Variants in THEMIS observed in about 807,000 individuals in gnomAD.
THEMIS encodes thymocyte selection associated, also known as protein THEMIS.
Under a neutral mutation model 52.6 loss-of-function variants are expected in THEMIS, and 37 were observed. That is an observed-to-expected ratio of 0.70 (90% CI 0.54 to 0.93). The LOEUF (loss-of-function observed/expected upper bound fraction) is 0.93, where lower values mean the gene tolerates loss of function less well. THEMIS is among the 40% of genes least tolerant of loss of function. The pLI is 0.00. For missense variants in THEMIS, 808 were observed against 763.1 expected, an observed-to-expected ratio of 1.06 and a Z score of -0.69; for synonymous variants, 292 against 272.7, an observed-to-expected ratio of 1.07 and a Z score of -0.70.
At chr6:127,715,575 C>T (rs976749710) in intron 5 of THEMIS, among the ~76,000 whole-genome samples, 1 of 151,874 alleles carries the variant, frequency 6.6e-6, no homozygotes, top group African/African-American at 2.4e-5. Flanking sequence ...GTTTTATTTT[C>T]CACGATACAA....
rs189893234 is a variant in THEMIS at position 127,913,818 on chromosome 6, C to T, written c.-150+4610G>A. Among the ~76,000 whole-genome samples, 37 of 152,208 alleles carry T rather than the reference C, an allele frequency of 2.4e-4. 1 individual carries two copies. In the East Asian group the frequency reaches 6.9e-3, roughly 29 times the overall value. ...TCACAAGTACTCTATTTTAGAATACCAGTATTGATTGGAAATGATGATCAA... is the reference window on the plus strand; with the variant it reads ...TCACAAGTACTCTATTTTAGAATACTAGTATTGATTGGAAATGATGATCAA... On this transcript the variant is annotated intron_variant, in intron 1 of 6. Coordinates refer to the THEMIS transcript ENST00000368250.
At chr6:127,837,737 T>A (rs1479035532) in intron 2 of THEMIS, among the ~76,000 whole-genome samples, 1 of 152,084 alleles carries the variant, frequency 6.6e-6, no homozygotes, top group Admixed American at 6.6e-5. Flanking sequence ...TGACATTTTT[T>A]AACTTGATAT....
chr6:127,812,798 A>T (rs773102048), intron 4 of THEMIS, 85 bp downstream of exon 4: 2 of 1,369,730 alleles, frequency 1.5e-6, no homozygotes, highest in Non-Finnish European at 2.0e-6. Context: ...AAAGAAAAGT[A>T]AGCAAAACAC....
At position 127,719,806 on chromosome 6, in the gene THEMIS, TA is replaced by T; in HGVS notation, c.1775del (p.Ile592LysfsTer17). The T allele has an allele frequency of 6.2e-7, 1 of 1,612,256 alleles. No homozygotes were observed. Among genetic ancestry groups the T allele is most frequent in the Non-Finnish European group, 8.5e-7 (1 of 1,178,870 alleles). On this transcript the variant is annotated frameshift_variant, in exon 5 of 6. Transcript: ENST00000368248. LOFTEE classifies it high-confidence loss of function. ...CTTGATTTGGGTGAAGTTTCTTGGT[TA>T]TGTCTACGTGATGACGCTGAAATGA... ...PKSPKRHHVD[I>X]TKKLHPNQAG...
At chr6:127,862,640 G>C (rs975182060) in intron 1 of THEMIS, among the ~76,000 whole-genome samples, 1 of 151,386 alleles carries the variant, frequency 6.6e-6, no homozygotes, top group African/African-American at 2.4e-5. Flanking sequence ...GGCTAGTCTT[G>C]AACTCCTGAC....
chr6:127,878,319 C>A (rs1056298529), intron 1 of THEMIS, among the ~76,000 whole-genome samples: 17 of 152,274 alleles, frequency 1.1e-4, no homozygotes, highest in South Asian at 2.1e-4. Flanking sequence ...TAGCTGAATC[C>A]TGCTGCTGAA....
chr6:127,840,732 G>A (rs942821510), intron 2 of THEMIS, among the ~76,000 whole-genome samples: 2 of 152,058 alleles, frequency 1.3e-5, no homozygotes, highest in Non-Finnish European at 2.9e-5. Context: ...TGGATAAACT[G>A]TGGTACATCC....
chr6:127,908,988 T>C (rs1317875324), intron 1 of THEMIS, among the ~76,000 whole-genome samples: 2 of 151,926 alleles, frequency 1.3e-5, no homozygotes, highest in South Asian at 2.1e-4. Context: ...AAGTTGCCAA[T>C]TGCTTACAAA....
chr6:127,852,101 T>C (rs538164223), intron 2 of THEMIS, among the ~76,000 whole-genome samples: 1 of 151,642 alleles, frequency 6.6e-6, no homozygotes, highest in East Asian at 2.0e-4. Context: ...ACTATACTAA[T>C]ACCAGACAAA....
intron 1 of THEMIS, among the ~76,000 whole-genome samples, chr6:127,906,080 A>C (rs1318917748): frequency 6.6e-6 from 1 of 151,296 alleles, no homozygotes; most frequent in Admixed American, 6.6e-5. Flanking sequence ...TCAAGTAATA[A>C]ACTAATGTTG....
intron 1 of THEMIS, among the ~76,000 whole-genome samples, chr6:127,913,130 T>C (rs1214268308): frequency 6.6e-6 from 1 of 152,142 alleles, no homozygotes; most frequent in African/African-American, 2.4e-5. Context: ...CACAGGACCA[T>C]TACGACATTG....
chr6:127,744,272 C>T (rs1775307464), intron 4 of THEMIS, among the ~76,000 whole-genome samples: 1 of 151,986 alleles, frequency 6.6e-6, no homozygotes, highest in South Asian at 2.1e-4. Flanking sequence ...ATTCCTCAGC[C>T]TCTCTTAATA....
intron 5 of THEMIS, among the ~76,000 whole-genome samples, chr6:127,716,277 T>C (rs1017308998): frequency 5.3e-5 from 8 of 151,762 alleles, no homozygotes; most frequent in African/African-American, 1.5e-4. Flanking sequence ...AAAAGGAAAA[T>C]GGCCCCCTGT....
chr6:127,837,244 A>G (rs924939049), intron 2 of THEMIS, among the ~76,000 whole-genome samples: 1 of 152,144 alleles, frequency 6.6e-6, no homozygotes, highest in African/African-American at 2.4e-5. Flanking sequence ...TACTGCAAAA[A>G]GCCAGAAGGA....
chr6:127,868,378 G>C, intron 1 of THEMIS: 5 of 952,922 alleles, frequency 5.2e-6, no homozygotes, highest in Non-Finnish European at 6.2e-6. Context: ...ATAAAAATTG[G>C]TATTTTCTTT....
At chr6:127,848,523 T>C (rs969623504) in intron 2 of THEMIS, among the ~76,000 whole-genome samples, 1 of 152,034 alleles carries the variant, frequency 6.6e-6, no homozygotes, top group East Asian at 1.9e-4. Flanking sequence ...ATGGTTGAAC[T>C]AGTTTACAGT....
chr6:127,861,267 T>C (rs147097216), intron 1 of THEMIS, among the ~76,000 whole-genome samples: 124 of 152,290 alleles, frequency 8.1e-4, no homozygotes, highest in Middle Eastern at 3.4e-3. Context: ...ATAAATTTAA[T>C]ATAGACATCT....
chr6:127,882,315 T>A (rs915312612), intron 1 of THEMIS, among the ~76,000 whole-genome samples: 3 of 151,898 alleles, frequency 2.0e-5, no homozygotes, highest in Non-Finnish European at 4.4e-5. Flanking sequence ...TAATGTGAAA[T>A]TGAACATTTA....
Position 127,798,020 on chromosome 6 carries a change from CAT to C in THEMIS, c.1758+14861_1758+14862del, listed in dbSNP as rs35374999. Among the ~76,000 whole-genome samples, 880 of 152,352 alleles carry C rather than the reference CAT, an allele frequency of 5.8e-3. 6 individuals are homozygous for C. Among genetic ancestry groups the C allele is most frequent in the Non-Finnish European group, 8.9e-3 (603 of 68,040 alleles). On this transcript the variant is annotated intron_variant, in intron 4 of 5. Transcript: ENST00000368248. ...GTGAAACAATCTGTTAGACTACACA[CAT>C]GTGTACATACGCATATGTGTTCATA...
Sources: allele counts gnomAD v4.1 joint callset (sites outside exome capture counted in the v4.1 genomes callset), GRCh38; gene constraint gnomAD v4.1.1; transcripts MANE v1.5; gene names NCBI Gene and HGNC (gene_info 2026-07-23, HGNC 2026-07-21).